PTPRE: variants seen among roughly 807,000 people sequenced by gnomAD.
PTPRE encodes the protein protein tyrosine phosphatase receptor type E.
PTPRE carries 51 observed loss-of-function variants against 102.0 expected under a neutral mutation model. That is an observed-to-expected ratio of 0.50 (90% CI 0.40 to 0.63). PTPRE has a LOEUF of 0.63. Among genes scored for constraint, PTPRE ranks in the 30% least tolerant of loss-of-function variants. The pLI, the probability that PTPRE is intolerant of heterozygous loss-of-function variation, is 0.00. For missense variants in PTPRE, 752 were observed against 915.1 expected (o/e 0.82, Z 2.30); for synonymous variants, 345 against 348.2 (o/e 0.99, Z 0.10).
rs1259973417 is a variant in PTPRE at position 127,948,979 on chromosome 10, G to A, written c.-30-33295G>A. Among the ~76,000 whole-genome samples the A allele has an allele frequency of 5.3e-5, 8 of 152,368 alleles. No homozygotes were observed. The East Asian group carries it at 1.5e-3, about 29-fold the overall frequency. On this transcript the variant is annotated intron_variant, in intron 1 of 20. Transcript: ENST00000254667. ...GAAAGGTGACTGTGTCGATCTGTCTGCTGGAACTGGGATACACCCTGCCTC... is the reference window on the plus strand; with the variant it reads ...GAAAGGTGACTGTGTCGATCTGTCTACTGGAACTGGGATACACCCTGCCTC...
At position 127,907,694 on chromosome 10, in the gene PTPRE, G is replaced by A. The variant is rs1845579204; in HGVS notation, c.-31+385G>A. On this transcript the variant is annotated intron_variant, in intron 1 of 20. Coordinates refer to ENST00000254667, the MANE Select transcript of PTPRE (RefSeq NM_006504.6). This position sits in a 1 kb window ranked among gnomAD's most constrained non-coding sequence, Gnocchi z 4.8. ...GCGACACAGAGAGGGGGTGCAGGCCGCGCGTGGGGGGCTGCGCCCACTCGA... is the reference window on the plus strand; with the variant it reads ...GCGACACAGAGAGGGGGTGCAGGCCACGCGTGGGGGGCTGCGCCCACTCGA... 6.6e-6 allele frequency among the ~76,000 whole-genome samples: 1 copy of A among 152,176 alleles called. No homozygotes were observed. Among genetic ancestry groups the A allele is most frequent in the South Asian group, 2.1e-4 (1 of 4,826 alleles).
At chr10:128,024,628 C>A (rs948809407) in intron 2 of PTPRE, among the ~76,000 whole-genome samples, 2 of 152,164 alleles carry the variant, frequency 1.3e-5, no homozygotes, top group Non-Finnish European at 2.9e-5. Flanking sequence ...GCGTTCTTAC[C>A]GGTCCTTGGC....
At chr10:127,930,244 C>T (rs528028381) in intron 1 of PTPRE, among the ~76,000 whole-genome samples, 2 of 151,748 alleles carry the variant, frequency 1.3e-5, no homozygotes, top group East Asian at 1.9e-4. Flanking sequence ...ACCCTGCCCC[C>T]GAAAAAAAAA....
At chr10:128,037,344 C>G (rs1847303342) in intron 2 of PTPRE, among the ~76,000 whole-genome samples, 1 of 152,244 alleles carries the variant, frequency 6.6e-6, no homozygotes, top group African/African-American at 2.4e-5. Flanking sequence ...CTGAATGACT[C>G]ACTCACTGCA....
At chr10:128,067,126 C>G (rs940204287) in intron 11 of PTPRE, among the ~76,000 whole-genome samples, 34 of 131,498 alleles carry the variant, frequency 2.6e-4, no homozygotes, top group Middle Eastern at 4.1e-3. Flanking sequence ...ACAATGCATG[C>G]ACGTTCACAC....
chr10:127,961,536 G>T (rs1849812925), intron 1 of PTPRE, among the ~76,000 whole-genome samples: 1 of 152,172 alleles, frequency 6.6e-6, no homozygotes, highest in Non-Finnish European at 1.5e-5. Flanking sequence ...CCTGGAACTT[G>T]AGAATGAACT....
chr10:127,929,034 T>C (rs1437226274), intron 1 of PTPRE, among the ~76,000 whole-genome samples: 1 of 152,250 alleles, frequency 6.6e-6, no homozygotes, highest in Non-Finnish European at 1.5e-5. Context: ...CCAGTGACAC[T>C]GCTTGCTGTT....
At chr10:128,019,772 G>A (rs553247818) in intron 2 of PTPRE, among the ~76,000 whole-genome samples, 52 of 152,310 alleles carry the variant, frequency 3.4e-4, no homozygotes, top group African/African-American at 1.2e-3. Flanking sequence ...GGGATGGGAG[G>A]GGGTGCCAGA....
At chr10:127,932,968 G>A (rs772524382) in intron 1 of PTPRE, among the ~76,000 whole-genome samples, 1 of 152,196 alleles carries the variant, frequency 6.6e-6, no homozygotes, top group Non-Finnish European at 1.5e-5. Flanking sequence ...TTTAGCGGGT[G>A]GCTCCTTCCT....
chr10:128,047,896 A>G (rs1327284123), intron 5 of PTPRE, 59 bp downstream of exon 5: 77 of 1,490,078 alleles, frequency 5.2e-5, no homozygotes, highest in Non-Finnish European at 6.4e-5. Context: ...TTTAGCAGAC[A>G]CTGAGGTGCT....
At chr10:128,048,583 T>A (rs771911630) in intron 5 of PTPRE, among the ~76,000 whole-genome samples, 1 of 152,172 alleles carries the variant, frequency 6.6e-6, no homozygotes, top group Non-Finnish European at 1.5e-5. Flanking sequence ...AAATGTAGCC[T>A]CCCAGCGCTC....
chr10:127,932,045 A>G (rs1311418800), intron 1 of PTPRE, among the ~76,000 whole-genome samples: 1 of 152,194 alleles, frequency 6.6e-6, no homozygotes, highest in Non-Finnish European at 1.5e-5. Context: ...GTTTCTTGGA[A>G]CCATAAAGCT....
intron 2 of PTPRE, among the ~76,000 whole-genome samples, chr10:128,001,870 G>A (rs1187534068): frequency 3.3e-5 from 5 of 152,150 alleles, no homozygotes; most frequent in Non-Finnish European, 5.9e-5. Context: ...ACATCACCGG[G>A]GCCCTATGGG....
At chr10:128,016,151 A>G (rs1845405023) in intron 2 of PTPRE, among the ~76,000 whole-genome samples, 2 of 152,204 alleles carry the variant, frequency 1.3e-5, no homozygotes, top group Admixed American at 1.3e-4. Flanking sequence ...GGCATGGACC[A>G]TATGGGGGTC....
chr10:127,957,602 C>G (rs981552967), intron 1 of PTPRE, among the ~76,000 whole-genome samples: 2 of 152,186 alleles, frequency 1.3e-5, no homozygotes, highest in South Asian at 2.1e-4. Flanking sequence ...TTTACTGAAG[C>G]TTTATAGTTA....
At chr10:128,050,550 C>A (rs1458281667) in intron 6 of PTPRE, among the ~76,000 whole-genome samples, 1 of 152,188 alleles carries the variant, frequency 6.6e-6, no homozygotes, top group Non-Finnish European at 1.5e-5. Flanking sequence ...TTTTGCTATT[C>A]AGTATTTATC....
intron 2 of PTPRE, among the ~76,000 whole-genome samples, chr10:128,039,779 G>A (rs1847519107): frequency 6.6e-6 from 1 of 152,054 alleles, no homozygotes; most frequent in Admixed American, 6.5e-5. Flanking sequence ...CGGGGTTCAG[G>A]GGGTGGGGAG....
intron 2 of PTPRE, among the ~76,000 whole-genome samples, chr10:127,990,411 CAAAAAAA>C (rs60034358): frequency 6.1e-5 from 4 of 65,738 alleles, no homozygotes; most frequent in Admixed American, 1.8e-4. Flanking sequence ...GACTCCACCT[CAAAAAAA>C]AAAAAAAAAA....
intron 1 of PTPRE, among the ~76,000 whole-genome samples, chr10:127,930,245 GA>G (rs537121348): frequency 2.1e-4 from 31 of 149,302 alleles, no homozygotes; most frequent in African/African-American, 3.7e-4. Flanking sequence ...CCCTGCCCCC[GA>G]AAAAAAAAAT....
Sources: allele counts gnomAD v4.1 joint callset (sites outside exome capture counted in the v4.1 genomes callset), GRCh38; gene constraint gnomAD v4.1.1; non-coding constraint Gnocchi (gnomAD v3.1); transcripts MANE v1.5; gene names NCBI Gene and HGNC (gene_info 2026-07-23, HGNC 2026-07-21).